Variants in CAP2 observed in about 807,000 individuals in gnomAD.
CAP2 encodes adenylyl cyclase-associated protein 2.
Under a neutral mutation model 57.7 loss-of-function variants are expected in CAP2, and 24 were observed. That is an observed-to-expected ratio of 0.42 (90% confidence interval 0.30 to 0.58). CAP2 has a LOEUF of 0.58. Among genes scored for constraint, CAP2 ranks in the 20% least tolerant of loss-of-function variants. The pLI is 0.22. For missense variants in CAP2, 501 were observed against 590.3 expected, an observed-to-expected ratio of 0.85 and a Z score of 1.57; for synonymous variants, 194 against 207.2, an observed-to-expected ratio of 0.94 and a Z score of 0.55.
chr6:17,526,092 GT>G (rs1762498926), intron 7 of CAP2, among the ~76,000 whole-genome samples: 1 of 147,248 alleles, frequency 6.8e-6, no homozygotes, highest in Non-Finnish European at 1.5e-5. Context: ...GATCATGTCT[GT>G]TTTTCAAAAG....
At chr6:17,456,046 G>A (rs752549) in intron 3 of CAP2, among the ~76,000 whole-genome samples, 4,060 of 152,274 alleles carry the variant, frequency 0.027, 198 homozygotes, top group African/African-American at 0.09. Flanking sequence ...GAATAGAAAC[G>A]AAAGACAGAA....
chr6:17,418,506 G>A (rs1759346019), intron 1 of CAP2, among the ~76,000 whole-genome samples: 1 of 152,148 alleles, frequency 6.6e-6, no homozygotes, highest in African/African-American at 2.4e-5. Context: ...CTATGAGATA[G>A]TGCGAGTTTG....
chr6:17,404,937 T>A (rs950803750), intron 1 of CAP2, among the ~76,000 whole-genome samples: 2 of 152,114 alleles, frequency 1.3e-5, no homozygotes, highest in African/African-American at 4.8e-5. Flanking sequence ...ATTGTATGAG[T>A]GTATATGTAT....
rs546122280 is a variant in CAP2, at chr6:17,444,305, G to A, written c.222+17615G>A. On this transcript the variant is annotated intron_variant, in intron 3 of 12. Transcript: ENST00000229922. ...AATGGACAGATGAATTTACTGTGGCGGACAGCTTGAATCAAGCCAAACCTA... is the reference window on the plus strand; with the variant it reads ...AATGGACAGATGAATTTACTGTGGCAGACAGCTTGAATCAAGCCAAACCTA... Among the ~76,000 whole-genome samples, 34 of 152,146 alleles carry A rather than the reference G, an allele frequency of 2.2e-4. No individual in the cohort carries two copies. In the South Asian group the frequency reaches 2.3e-3, roughly 10 times the overall value.
intron 6 of CAP2, among the ~76,000 whole-genome samples, chr6:17,510,093 C>G (rs1338576980): frequency 2.0e-5 from 3 of 152,058 alleles, no homozygotes; most frequent in Admixed American, 6.6e-5. Context: ...TTAGGGAAAA[C>G]TTAAACTTTT....
At chr6:17,512,243 T>C (rs1346250097) in intron 6 of CAP2, among the ~76,000 whole-genome samples, 1 of 151,724 alleles carries the variant, frequency 6.6e-6, no homozygotes, top group Non-Finnish European at 1.5e-5. Context: ...AATTTAAAAA[T>C]TATCTGGGCA....
At chr6:17,499,077 T>C (rs1293300385) in intron 4 of CAP2, among the ~76,000 whole-genome samples, 4 of 151,366 alleles carry the variant, frequency 2.6e-5, no homozygotes, top group African/African-American at 9.7e-5. Context: ...AATGTGCCAA[T>C]GAGATTGTTG....
intron 1 of CAP2, among the ~76,000 whole-genome samples, chr6:17,403,590 A>G (rs1447718409): frequency 6.6e-6 from 1 of 152,240 alleles, no homozygotes; most frequent in African/African-American, 2.4e-5. Flanking sequence ...ATGGTATCAG[A>G]ATAGCTTTTT....
At chr6:17,412,996 A>T (rs754023027) in intron 1 of CAP2, among the ~76,000 whole-genome samples, 7 of 152,148 alleles carry the variant, frequency 4.6e-5, no homozygotes, top group African/African-American at 7.2e-5. Flanking sequence ...ATCATGGCAT[A>T]GGAGAGGGAT....
At chr6:17,501,237 T>A (rs1761813980) in intron 4 of CAP2, among the ~76,000 whole-genome samples, 1 of 152,162 alleles carries the variant, frequency 6.6e-6, no homozygotes, top group African/African-American at 2.4e-5. Flanking sequence ...TAAAAAGTAA[T>A]TATTATTATT....
chr6:17,547,690 A>C (rs987325610), intron 11 of CAP2, among the ~76,000 whole-genome samples: 1 of 151,964 alleles, frequency 6.6e-6, no homozygotes, highest in Non-Finnish European at 1.5e-5. Flanking sequence ...AAATACAAAA[A>C]ATAAACCAGG....
chr6:17,536,145 C>T (rs1234181405), intron 7 of CAP2: 1 of 453,000 alleles, frequency 2.2e-6, no homozygotes, highest in Non-Finnish European at 4.4e-6. Flanking sequence ...TTTCTTGGGA[C>T]ATCTGAAGAC....
chr6:17,476,639 T>C (rs1761155253), intron 4 of CAP2, among the ~76,000 whole-genome samples: 1 of 152,154 alleles, frequency 6.6e-6, no homozygotes. Flanking sequence ...GTCTTTTCAT[T>C]CAACTTTTCT....
At chr6:17,397,211 C>A (rs1403457905) in intron 1 of CAP2, among the ~76,000 whole-genome samples, 1 of 152,002 alleles carries the variant, frequency 6.6e-6, no homozygotes, top group Non-Finnish European at 1.5e-5. Flanking sequence ...AGACGCGGGC[C>A]ACCATGCCTG....
At chr6:17,538,267 T>C (rs1200257141) in intron 7 of CAP2, among the ~76,000 whole-genome samples, 1 of 151,176 alleles carries the variant, frequency 6.6e-6, no homozygotes, top group East Asian at 1.9e-4. Context: ...CTGGGCAACA[T>C]AGTGAGACCT....
intron 4 of CAP2, 135 bp downstream of exon 4, chr6:17,463,208 TA>T: frequency 1.6e-6 from 1 of 635,208 alleles, no homozygotes; most frequent in East Asian, 2.8e-5. Flanking sequence ...GTTCTGTCTC[TA>T]ATCTGGATCA....
At chr6:17,411,894 TAGAA>T (rs1759150094) in intron 1 of CAP2, among the ~76,000 whole-genome samples, 1 of 152,050 alleles carries the variant, frequency 6.6e-6, no homozygotes, top group South Asian at 2.1e-4. Context: ...GACACAGAAA[TAGAA>T]AGAGCTTCCT....
At chr6:17,465,191 C>A (rs1200783002) in intron 4 of CAP2, among the ~76,000 whole-genome samples, 1 of 151,838 alleles carries the variant, frequency 6.6e-6, no homozygotes, top group Admixed American at 6.6e-5. Context: ...TCTTTTTTTT[C>A]TTTTCTTTCT....
chr6:17,458,553 G>A (rs774961032), intron 3 of CAP2, among the ~76,000 whole-genome samples: 26 of 152,170 alleles, frequency 1.7e-4, no homozygotes, highest in Admixed American at 9.2e-4. Context: ...ATGCCAAAAC[G>A]TTAATACGAA....
Sources: allele counts gnomAD v4.1 joint callset (sites outside exome capture counted in the v4.1 genomes callset), GRCh38; gene constraint gnomAD v4.1.1; transcripts MANE v1.5; gene names NCBI Gene and HGNC (gene_info 2026-07-23, HGNC 2026-07-21).